The following TPP2 variants were observed in gnomAD, a reference collection of about 807,000 sequenced individuals.
TPP2 encodes the protein tripeptidyl peptidase 2.
A neutral mutation model predicts 155.9 loss-of-function variants in TPP2; 34 were observed. That is an observed-to-expected ratio of 0.22 (90% confidence interval 0.17 to 0.29). The LOEUF (loss-of-function observed/expected upper bound fraction) is 0.29. TPP2 is among the 10% of genes least tolerant of loss of function. TPP2 has a pLI of 1.00. For synonymous variants in TPP2, 510 were observed against 529.4 expected, an observed-to-expected ratio of 0.96 and a Z score of 0.50; for missense variants, 1,028 against 1,522.3, an observed-to-expected ratio of 0.68 and a Z score of 5.40.
chr13:102,678,169 C>T (rs532968852), intron 29 of TPP2, 58 bp from the exon 30 acceptor site: 34 of 1,494,688 alleles, frequency 2.3e-5, no homozygotes, highest in South Asian at 3.7e-5. Context: ...ATTCTAAATA[C>T]TGAGCTTAAA....
chr13:102,635,900 A>G (rs552991797), intron 12 of TPP2, among the ~76,000 whole-genome samples, 198 bp downstream of exon 12: 1 of 152,330 alleles, frequency 6.6e-6, no homozygotes, highest in Admixed American at 6.5e-5. Flanking sequence ...AGATCAAGAA[A>G]TGTAATAGAT....
At chr13:102,646,819 G>A (rs78739403) in intron 20 of TPP2, among the ~76,000 whole-genome samples, 88 of 152,288 alleles carry the variant, frequency 5.8e-4, no homozygotes, top group African/African-American at 2.0e-3. Context: ...TGTAAATGCT[G>A]GACCAAAGAA....
intron 27 of TPP2, among the ~76,000 whole-genome samples, chr13:102,670,901 CTG>C (rs1486480943): frequency 6.6e-6 from 1 of 152,184 alleles, no homozygotes; most frequent in Non-Finnish European, 1.5e-5. Context: ...AACCTCTTAA[CTG>C]TGTATTCTTT....
chr13:102,642,631 A>G (rs111622546), intron 16 of TPP2, among the ~76,000 whole-genome samples: 1 of 152,268 alleles, frequency 6.6e-6, no homozygotes, highest in African/African-American at 2.4e-5. Flanking sequence ...GTTCCCTTGA[A>G]TTAGCTTGGG....
chr13:102,667,894 A>C (rs940576621), intron 27 of TPP2: 15 of 913,752 alleles, frequency 1.6e-5, no homozygotes, highest in Admixed American at 6.2e-5. Flanking sequence ...GTATCCAGTG[A>C]AAGAGTGGGC....
intron 2 of TPP2, among the ~76,000 whole-genome samples, chr13:102,607,395 G>A (rs1331547029): frequency 3.3e-5 from 5 of 152,072 alleles, no homozygotes; most frequent in African/African-American, 1.2e-4. Context: ...TCAGATTTTC[G>A]GGTTAGAAAT....
intron 29 of TPP2, among the ~76,000 whole-genome samples, chr13:102,676,788 A>T (rs1438954384): frequency 1.3e-5 from 2 of 152,190 alleles, no homozygotes; most frequent in African/African-American, 4.8e-5. Context: ...ATTTGATTTT[A>T]TTCTTCATTT....
Position 102,618,763 on chromosome 13 carries a change from A to G in TPP2, c.537A>G (p.Glu179=). The G allele has an allele frequency of 6.2e-7, 1 of 1,613,948 alleles. No homozygotes were observed. The highest frequency in any genetic ancestry group is 8.5e-7 in the Non-Finnish European group (1 of 1,179,876). Residue 179 remains glutamate (E), a synonymous_variant, in exon 5 of 30, where the codon GAA becomes GAG. Coordinates refer to ENST00000376052, the MANE Select transcript of TPP2 (RefSeq NM_001330588.2). Reference sequence around the variant, plus strand: ...AGGAGGAACTTCAAAGTCAAGTGGAATTGCTAAATTCTTTTGAGAAGAAAT... The same window carrying G: ...AGGAGGAACTTCAAAGTCAAGTGGAGTTGCTAAATTCTTTTGAGAAGAAAT... ...LIKEELQSQV[E]LLNSFEKKYS...
At chr13:102,675,602 G>A (rs1885235360) in intron 28 of TPP2, among the ~76,000 whole-genome samples, 1 of 152,184 alleles carries the variant, frequency 6.6e-6, no homozygotes, top group African/African-American at 2.4e-5. Context: ...TTCTGTCTTT[G>A]AGGAATGTAA....
intron 24 of TPP2, 88 bp from the exon 25 acceptor site, chr13:102,656,968 A>T: frequency 7.3e-7 from 1 of 1,364,946 alleles, no homozygotes; most frequent in South Asian, 1.3e-5. Flanking sequence ...GGTGCAGCCC[A>T]TGTTACATGA....
chr13:102,660,446 G>A (rs1470990863), intron 25 of TPP2, among the ~76,000 whole-genome samples: 3 of 151,926 alleles, frequency 2.0e-5, no homozygotes, highest in Non-Finnish European at 4.4e-5. Flanking sequence ...AACAAGAGAT[G>A]TAAGAATTAT....
chr13:102,663,114 TTTGA>T (rs200352357), intron 25 of TPP2, among the ~76,000 whole-genome samples: 29 of 96,356 alleles, frequency 3.0e-4, no homozygotes, highest in African/African-American at 6.7e-4. Flanking sequence ...TAATTTTCAG[TTTGA>T]TTTATTTATT....
chr13:102,629,597 T>G lies in TPP2; in HGVS notation c.1132T>G (p.Ser378Ala). The stretch of plus-strand genomic sequence containing the variant: ...AGTTGGTTGTCCAGGTGGAACTACA[T>G]CAAGTGTGATAGGTTAGTTTCCTGT... ...STVGCPGGTT[S>A]SVIGVGAYVS... The change falls in exon 9 of 30, where the codon TCA becomes GCA. Residue 378 changes from serine to alanine, a missense_variant. Transcript: ENST00000376052. 1.3e-6 allele frequency: 2 copies of G among 1,548,972 alleles called. No homozygotes were observed. The highest frequency in any genetic ancestry group is 1.7e-6 in the Non-Finnish European group (2 of 1,158,690).
chr13:102,674,515 G>T, intron 28 of TPP2, 25 bp downstream of exon 28: 1 of 1,611,992 alleles, frequency 6.2e-7, no homozygotes, highest in Non-Finnish European at 8.5e-7. Flanking sequence ...TCTTGTTTCA[G>T]CAAAGTTCTT....
At chr13:102,597,556 GCCAGGCCGGACCCC>G (rs1271817237) in intron 1 of TPP2, among the ~76,000 whole-genome samples, 1 of 152,102 alleles carries the variant, frequency 6.6e-6, no homozygotes, top group Non-Finnish European at 1.5e-5. Flanking sequence ...CTTCGGCGCT[GCCAGGCCGGACCCC>G]CCAGGCTCCT....
intron 1 of TPP2, among the ~76,000 whole-genome samples, chr13:102,598,883 T>TG (rs1491170871): frequency 6.6e-6 from 1 of 152,240 alleles, no homozygotes; most frequent in Non-Finnish European, 1.5e-5. Context: ...TACATGTGAC[T>TG]TTTTTAAATG....
At position 102,649,041 on chromosome 13, in the gene TPP2, T is replaced by C. The variant is rs780067903; in HGVS notation, c.2763T>C (p.Asp921=). The change falls in exon 22 of 30, where the codon GAT becomes GAC. Residue 921 remains aspartate, a synonymous_variant. Coordinates refer to ENST00000376052, the MANE Select transcript of TPP2 (RefSeq NM_001330588.2). ...GATTGTCTAATACCTTGAGCTTAGA[T>C]ATTCATGAAAATCATAGTTTTGCAC... ...SHRLSNTLSL[D]IHENHSFALL... 1 of 1,613,840 alleles carries C rather than the reference T, an allele frequency of 6.2e-7. No homozygotes were observed. The highest frequency in any genetic ancestry group is 8.5e-7 in the Non-Finnish European group (1 of 1,179,924).
rs148056679 is a variant in TPP2, at chr13:102,638,304, T to C, written c.1902T>C (p.Val634=). 929 of 1,612,900 alleles carry C rather than the reference T, an allele frequency of 5.8e-4. 5 individuals are homozygous for C. In the African/African-American group the frequency reaches 0.011, roughly 19 times the overall value. The change falls in exon 15 of 30, where the codon GTT becomes GTC. Residue 634 remains valine, a synonymous_variant. Coordinates refer to ENST00000376052, the MANE Select transcript of TPP2 (RefSeq NM_001330588.2). The part of the protein sequence containing the change: ...GPLFRVPITA[V]IAAKVNESSH... ...TCTTCAGAGTTCCGATCACTGCAGT[T>C]ATAGCAGCAAAGTAAGTAACAGGTT... is the stretch of plus-strand genomic sequence containing the variant.
chr13:102,640,388 T>G lies in TPP2; in HGVS notation c.2020+12T>G. 1.2e-6 allele frequency: 2 copies of G among 1,601,628 alleles called. No individual in the cohort carries two copies. The highest frequency in any genetic ancestry group is 1.7e-6 in the Non-Finnish European group (2 of 1,169,156). On this transcript the variant is annotated intron_variant, in intron 16 of 29. Transcript: ENST00000376052. ...TGCAACATGGGCTGGTAGGTAAAAT[T>G]AAAATCTGTGTGACCGCTTATCTCT...
Sources: gnomAD v4.1 joint callset for allele counts (sites outside exome capture counted in the v4.1 genomes callset) on GRCh38, gnomAD v4.1.1 for gene constraint, MANE v1.5 for transcripts, NCBI Gene and HGNC (gene_info 2026-07-23, HGNC 2026-07-21) for gene names.